Variants in TPR observed in about 807,000 individuals in gnomAD.
TPR encodes the protein nucleoprotein TPR.
In TPR, 51 loss-of-function variants were observed where a neutral mutation model predicts 316.1. The ratio of observed to expected loss-of-function variants is 0.16; its 90% CI spans 0.13 to 0.20. The LOEUF is 0.20. Ranked by LOEUF, TPR falls within the 10% of genes least tolerant of loss-of-function variation. The pLI is 1.00. For missense variants in TPR, 2,272 were observed against 2,754.8 expected, an observed-to-expected ratio of 0.82 and a Z score of 3.92; for synonymous variants, 981 against 914.7, an observed-to-expected ratio of 1.07 and a Z score of -1.31.
intron 4 of TPR, among the ~76,000 whole-genome samples, chr1:186,367,555 A>C (rs1248706629): frequency 6.6e-6 from 1 of 152,260 alleles, no homozygotes; most frequent in Non-Finnish European, 1.5e-5. Context: ...CATATGAAAT[A>C]AAGAACAGTA....
chr1:186,320,424 T>C lies in TPR; in HGVS notation c.6462-6A>G. ...CACCAGCAACCTGCGGCGAACTAAATGGACAAAAACTAATTTAAGATGAAA... is the reference window on the plus strand; with the variant it reads ...CACCAGCAACCTGCGGCGAACTAAACGGACAAAAACTAATTTAAGATGAAA... On this transcript the variant is annotated splice_region_variant and splice_polypyrimidine_tract_variant and intron_variant, in intron 45 of 50. Coordinates refer to ENST00000367478, the MANE Select transcript of TPR (RefSeq NM_003292.3). 4 of 1,601,388 alleles carry C rather than the reference T, an allele frequency of 2.5e-6. No individual in the cohort carries two copies. The highest frequency in any genetic ancestry group is 3.4e-6 in the Non-Finnish European group (4 of 1,173,554).
intron 43 of TPR, among the ~76,000 whole-genome samples, chr1:186,323,376 C>T (rs891085214): frequency 1.3e-5 from 2 of 152,160 alleles, no homozygotes; most frequent in East Asian, 1.9e-4. Flanking sequence ...TGGTGAGCTG[C>T]GAAAATGTAC....
intron 7 of TPR, among the ~76,000 whole-genome samples, 166 bp from the exon 8 acceptor site, chr1:186,362,035 T>C (rs1659207908): frequency 6.6e-6 from 1 of 152,042 alleles, no homozygotes; most frequent in African/African-American, 2.4e-5. Context: ...AAAATATTAC[T>C]AATATTTTAA....
chr1:186,316,957 A>G (rs1339810705), intron 49 of TPR, among the ~76,000 whole-genome samples: 1 of 152,258 alleles, frequency 6.6e-6, no homozygotes, highest in African/African-American at 2.4e-5. Context: ...TGAAAAGCCA[A>G]ACTCTGAAAC....
At chr1:186,328,778 A>G (rs1189704498) in intron 39 of TPR, among the ~76,000 whole-genome samples, 1 of 152,196 alleles carries the variant, frequency 6.6e-6, no homozygotes, top group African/African-American at 2.4e-5. Context: ...ATCAGATACT[A>G]AATAATTCCT....
chr1:186,363,237 C>T (rs1340081049), intron 5 of TPR, 105 bp downstream of exon 5: 4 of 1,082,186 alleles, frequency 3.7e-6, no homozygotes, highest in Non-Finnish European at 5.4e-6. Context: ...AAAAACAAAA[C>T]AAAATGCAGC....
At chr1:186,362,146 C>A in intron 7 of TPR, 142 bp downstream of exon 7, 1 of 664,356 alleles carries the variant, frequency 1.5e-6, no homozygotes. Flanking sequence ...TCTATTTTAG[C>A]CTAGCTACAG....
At chr1:186,324,083 C>T (rs1323390154) in intron 42 of TPR, among the ~76,000 whole-genome samples, 2 of 152,114 alleles carry the variant, frequency 1.3e-5, no homozygotes, top group African/African-American at 4.8e-5. Context: ...GGGCAAGTCC[C>T]TTAACCTCTT....
chr1:186,345,806 C>T, intron 23 of TPR, 110 bp from the exon 24 acceptor site: 2 of 776,748 alleles, frequency 2.6e-6, no homozygotes, highest in South Asian at 3.7e-5. Context: ...TCCAATTAGC[C>T]CAAAAAACTG....
At chr1:186,319,313 G>C (rs1447547633) in intron 46 of TPR, among the ~76,000 whole-genome samples, 2 of 152,112 alleles carry the variant, frequency 1.3e-5, no homozygotes, top group African/African-American at 2.4e-5. Flanking sequence ...ACAACTTAAA[G>C]ACATCCTTTA....
In TPR at chr1:186,323,830, C is replaced by T. The variant is rs1337803870; in HGVS notation, c.6153G>A (p.Gln2051=). ...NTGAAESSFS[Q]EVSREQQPSS... is the part of the protein sequence containing the mutation. Reference sequence around the variant, plus strand: ...ATGGCTGTTGTTCTCTAGAAACCTCCTGAGAAAAAGAAGATTCTGCAGCAC... The same window carrying T: ...ATGGCTGTTGTTCTCTAGAAACCTCTTGAGAAAAAGAAGATTCTGCAGCAC... Residue 2051 remains glutamine (Q), a synonymous_variant, in exon 43 of 51, where the codon CAG becomes CAA. Coordinates refer to ENST00000367478, the MANE Select transcript of TPR (RefSeq NM_003292.3). 1.9e-6 allele frequency: 3 copies of T among 1,549,950 alleles called. No homozygotes were observed. Among genetic ancestry groups the T allele is most frequent in the Non-Finnish European group, 2.6e-6 (3 of 1,157,376 alleles).
chr1:186,328,731 T>C (rs2102061269), intron 39 of TPR, among the ~76,000 whole-genome samples: 1 of 152,304 alleles, frequency 6.6e-6, no homozygotes, highest in South Asian at 2.1e-4. Context: ...CTCCTCAAAA[T>C]TCCAATTATT....
intron 10 of TPR, 52 bp downstream of exon 10, chr1:186,360,713 T>G (rs1659159740): frequency 6.2e-7 from 1 of 1,601,370 alleles, no homozygotes. Context: ...ATGACTTTTA[T>G]GTAGGAAAGC....
intron 7 of TPR, among the ~76,000 whole-genome samples, 198 bp from the exon 8 acceptor site, chr1:186,362,067 CAAT>C (rs1232971886): frequency 3.3e-5 from 5 of 151,692 alleles, no homozygotes; most frequent in Admixed American, 6.6e-5. Context: ...AATAATTAAA[CAAT>C]AAAATTAACC....
intron 18 of TPR, among the ~76,000 whole-genome samples, chr1:186,352,544 C>T (rs1658894994): frequency 1.3e-5 from 2 of 152,114 alleles, no homozygotes. Context: ...TCCCCTCAAC[C>T]CCAAGAGTCT....
chr1:186,314,932 T>C (rs549262817), intron 49 of TPR, among the ~76,000 whole-genome samples: 22 of 151,966 alleles, frequency 1.4e-4, no homozygotes, highest in Non-Finnish European at 2.8e-4. Flanking sequence ...TTTGGGAGGC[T>C]AAGGTGGGAG....
intron 24 of TPR, 139 bp from the exon 25 acceptor site, chr1:186,344,717 TAA>T: frequency 8.0e-6 from 5 of 627,410 alleles, no homozygotes; most frequent in Non-Finnish European, 1.2e-5. Context: ...AGAAAATAAT[TAA>T]AAGTTAATGC....
Position 186,362,323 on chromosome 1 carries a change from T to G in TPR, c.754A>C (p.Lys252Gln), listed in dbSNP as rs1659219727. 6.2e-7 allele frequency: 1 copy of G among 1,612,390 alleles called. No individual in the cohort carries two copies. The highest frequency in any genetic ancestry group is 1.3e-5 in the African/African-American group (1 of 74,840). ...TTGGTCAACAGATCCTCCACATGCT[T>G]TTGAAGATGTTCATTTGATGTTTTT... Reference protein sequence around the residue: ...GLKTSNEHLQKHVEDLLTKLK... With the variant: ...GLKTSNEHLQQHVEDLLTKLK... The change falls in exon 7 of 51, where the codon AAG (lysine) becomes CAG (glutamine). Residue 252 changes from lysine (K) to glutamine (Q), a missense_variant. This residue lies in a region of TPR where 549 missense variants were observed against 598.6 expected (regional missense o/e 0.92). Transcript: ENST00000367478.
At chr1:186,362,166 G>T in intron 7 of TPR, 122 bp downstream of exon 7, 2 of 741,938 alleles carry the variant, frequency 2.7e-6, no homozygotes, top group Non-Finnish European at 4.3e-6. Context: ...GCATATGGAA[G>T]GAGGACTCTC....
Sources: allele counts gnomAD v4.1 joint callset (sites outside exome capture counted in the v4.1 genomes callset), GRCh38; gene constraint gnomAD v4.1.1; regional missense constraint gnomAD v4.1.1; transcripts MANE v1.5; gene names NCBI Gene and HGNC (gene_info 2026-07-23, HGNC 2026-07-21).